Variants in FRAS1 observed in about 807,000 individuals in gnomAD.
The protein encoded by FRAS1 is extracellular matrix organizing protein FRAS1.
FRAS1 carries 290 observed loss-of-function variants against 435.2 expected under a neutral mutation model. That is an observed-to-expected ratio of 0.67 (90% CI 0.61 to 0.73). The LOEUF is 0.73. Ranked by LOEUF, FRAS1 falls within the 30% of genes least tolerant of loss-of-function variation. FRAS1 has a pLI of 0.00. For missense variants in FRAS1, 4,860 were observed against 5,001.5 expected (o/e 0.97, Z 0.85); for synonymous variants, 1,800 against 1,851.0 (o/e 0.97, Z 0.71).
intron 3 of FRAS1, among the ~76,000 whole-genome samples, chr4:78,239,575 T>C (rs1183515054): frequency 6.6e-6 from 1 of 152,214 alleles, no homozygotes; most frequent in African/African-American, 2.4e-5. Flanking sequence ...TGGCTTCTCT[T>C]CTTACTCAAA....
chr4:78,151,964 G>A (rs1720682069), intron 2 of FRAS1, among the ~76,000 whole-genome samples: 1 of 152,170 alleles, frequency 6.6e-6, no homozygotes, highest in African/African-American at 2.4e-5. Context: ...TTAAGGCAGT[G>A]CGTGCCTTTG....
At chr4:78,424,816 G>A (rs552173604) in intron 35 of FRAS1, among the ~76,000 whole-genome samples, 168 of 151,964 alleles carry the variant, frequency 1.1e-3, no homozygotes, top group African/African-American at 4.0e-3. Flanking sequence ...GGTGGCACAT[G>A]CCTGGAGTCC....
At position 78,245,334 on chromosome 4, in the gene FRAS1, T is replaced by G; in HGVS notation, c.309+9T>G. ...AAAAGAAAATCCATGAGGTAAGTGT[T>G]TTCTGACTCACGGTTGATTCTGTGT... On this transcript the variant is annotated intron_variant, in intron 4 of 73. Coordinates refer to ENST00000512123, the MANE Select transcript of FRAS1 (RefSeq NM_025074.7). 3 of 1,562,374 alleles carry G rather than the reference T, an allele frequency of 1.9e-6. No individual in the cohort carries two copies. The highest frequency in any genetic ancestry group is 1.8e-6 in the Non-Finnish European group (2 of 1,140,702).
intron 14 of FRAS1, among the ~76,000 whole-genome samples, chr4:78,286,928 AG>A (rs1427767490): frequency 1.3e-5 from 2 of 152,214 alleles, no homozygotes; most frequent in African/African-American, 2.4e-5. Context: ...AAGTTTAAAA[AG>A]TAAATGTCTA....
chr4:78,208,538 A>G (rs1209387164), intron 2 of FRAS1, among the ~76,000 whole-genome samples: 1 of 152,162 alleles, frequency 6.6e-6, no homozygotes, highest in Non-Finnish European at 1.5e-5. Flanking sequence ...AAAAAATGAT[A>G]CAAGAAATGA....
intron 2 of FRAS1, among the ~76,000 whole-genome samples, chr4:78,083,624 C>CTTTTT (rs1446958361): frequency 1.8e-4 from 13 of 74,090 alleles, no homozygotes; most frequent in African/African-American, 7.8e-4. Flanking sequence ...CATGCAAGTT[C>CTTTTT]TGTTTTTTTT....
intron 2 of FRAS1, among the ~76,000 whole-genome samples, chr4:78,117,585 C>T (rs141716318): frequency 6.6e-6 from 1 of 152,164 alleles, no homozygotes; most frequent in Non-Finnish European, 1.5e-5. Flanking sequence ...TTCATTTGCT[C>T]TTCCGTCACT....
intron 6 of FRAS1, among the ~76,000 whole-genome samples, chr4:78,264,031 C>G (rs1726236856): frequency 6.6e-6 from 1 of 152,148 alleles, no homozygotes; most frequent in Non-Finnish European, 1.5e-5. Context: ...GTTTTCTACT[C>G]CTCATAAGAG....
chr4:78,149,015 G>C (rs925451066), intron 2 of FRAS1, among the ~76,000 whole-genome samples: 7 of 152,152 alleles, frequency 4.6e-5, no homozygotes, highest in Admixed American at 2.0e-4. Context: ...TCTTTGGGGA[G>C]AGCTATTTCA....
chr4:78,500,919 A>G (rs2867447), intron 61 of FRAS1, among the ~76,000 whole-genome samples: 49,976 of 151,962 alleles, frequency 0.33, 8,944 homozygotes, highest in South Asian at 0.52. Flanking sequence ...TTTAACTTCA[A>G]TGAGGTATTT....
chr4:78,310,709 G>A (rs1386802419), intron 15 of FRAS1, among the ~76,000 whole-genome samples: 1 of 152,226 alleles, frequency 6.6e-6, no homozygotes, highest in Non-Finnish European at 1.5e-5. Context: ...CTTCAGAAAT[G>A]TTCACAGAAA....
intron 60 of FRAS1, among the ~76,000 whole-genome samples, chr4:78,498,549 C>T (rs1720579163): frequency 6.6e-6 from 1 of 151,712 alleles, no homozygotes. Flanking sequence ...CTGCAGTGAC[C>T]CTCCTAGATT....
At chr4:78,067,372 G>A (rs1481918503) in intron 2 of FRAS1, among the ~76,000 whole-genome samples, 2 of 152,102 alleles carry the variant, frequency 1.3e-5, no homozygotes, top group African/African-American at 2.4e-5. Context: ...AAAAAAAGTG[G>A]CTAGACCATC....
chr4:78,126,558 A>G (rs1719368529), intron 2 of FRAS1, among the ~76,000 whole-genome samples: 2 of 152,226 alleles, frequency 1.3e-5, no homozygotes, highest in Non-Finnish European at 2.9e-5. Context: ...CAACTGTTTT[A>G]GCAGAATATT....
chr4:78,364,040 A>G lies in FRAS1; in HGVS notation c.2708A>G (p.Asn903Ser), dbSNP rs1731177176. The change falls in exon 22 of 74, where the codon AAT becomes AGT. Residue 903 changes from asparagine to serine, a missense_variant. Physicochemically the swap from Asn to Ser is conservative, Grantham distance 46. Transcript: ENST00000512123. ...TTCCCTGGGCACTATCTTGATGACAATCATGTTTGCCAGCGTAGGTTTTTC... is the reference window on the plus strand; with the variant it reads ...TTCCCTGGGCACTATCTTGATGACAGTCATGTTTGCCAGCGTAGGTTTTTC... ...TCFPGHYLDD[N>S]HVCQPCNTHC... is the part of the protein sequence containing the mutation. 2.5e-6 allele frequency: 4 copies of G among 1,590,584 alleles called. No homozygotes were observed. Among genetic ancestry groups the G allele is most frequent in the Admixed American group, 3.6e-5 (2 of 55,962 alleles).
chr4:78,515,200 C>T (rs1323984117), intron 65 of FRAS1, among the ~76,000 whole-genome samples: 2 of 151,940 alleles, frequency 1.3e-5, no homozygotes, highest in Non-Finnish European at 2.9e-5. Flanking sequence ...TTTTGCCTGG[C>T]ACAGGTGAGA....
chr4:78,284,680 C>T (rs1727497790), intron 13 of FRAS1, 132 bp downstream of exon 13: 2 of 783,900 alleles, frequency 2.6e-6, no homozygotes, highest in Non-Finnish European at 4.0e-6. Flanking sequence ...TTGAGATGCA[C>T]AACGTCTAAA....
chr4:78,418,557 A>G (rs1294979616), intron 32 of FRAS1, among the ~76,000 whole-genome samples: 2 of 152,188 alleles, frequency 1.3e-5, no homozygotes, highest in East Asian at 1.9e-4. Context: ...AAGAAAATAA[A>G]AAGTTAGAGG....
At chr4:78,302,069 T>C (rs1240395155) in intron 14 of FRAS1, among the ~76,000 whole-genome samples, 1 of 151,606 alleles carries the variant, frequency 6.6e-6, no homozygotes, top group East Asian at 1.9e-4. Context: ...GTGTTCTCAT[T>C]GTTCAATTCC....
Sources: allele counts gnomAD v4.1 joint callset (sites outside exome capture counted in the v4.1 genomes callset), GRCh38; gene constraint gnomAD v4.1.1; transcripts MANE v1.5; gene names NCBI Gene and HGNC (gene_info 2026-07-23, HGNC 2026-07-21).